Variants in HPD observed in about 807,000 individuals in gnomAD.
The protein encoded by HPD is 4-hydroxyphenylpyruvic acid oxidase.
A neutral mutation model predicts 56.9 loss-of-function variants in HPD; 35 were observed. That is an observed-to-expected ratio of 0.62 (90% CI 0.47 to 0.82). The LOEUF is 0.82. Ranked by LOEUF, HPD falls within the 40% of genes least tolerant of loss-of-function variation. The pLI, the probability that HPD is intolerant of heterozygous loss-of-function variation, is 0.00. For synonymous variants in HPD, 186 were observed against 200.2 expected (o/e 0.93, Z 0.60); for missense variants, 442 against 506.8 (o/e 0.87, Z 1.23).
intron 7 of HPD, among the ~76,000 whole-genome samples, chr12:121,852,647 T>C (rs1352923217): frequency 2.6e-5 from 2 of 77,350 alleles, no homozygotes; most frequent in Admixed American, 2.9e-4. Context: ...TTTTTTTTTT[T>C]TTTTTGAGAG....
chr12:121,870,054 A>G, the HPD span, among the ~76,000 whole-genome samples: 1 of 149,914 alleles, frequency 6.7e-6, no homozygotes, highest in Non-Finnish European at 1.5e-5. Context: ...CTGGGATTAC[A>G]GGCATGAACC....
chr12:121,857,385 G>T lies in HPD; in HGVS notation c.141C>A (p.Tyr47Ter). Residue 47 changes from tyrosine to a stop codon, truncating the protein, a stop_gained, in exon 4 of 14, where the codon TAC becomes TAA. Coordinates refer to ENST00000289004, the MANE Select transcript of HPD (RefSeq NM_002150.3). LOFTEE classifies it high-confidence loss of function. The part of the protein sequence containing the change: ...CSKMGFEPLA[Y>*]RGLETGSREV... ...CCCGGGAACCGGTCTCCAGGCCCCT[G>T]TAGGCTAGAGGTTCAAAGCCCATCT... is the stretch of plus-strand genomic sequence containing the variant. The T allele has an allele frequency of 1.2e-6, 2 of 1,614,122 alleles. No individual in the cohort carries two copies.
rs999492011 is a variant in HPD, at chr12:121,858,573, C to T, written c.30+114G>A. The T allele has an allele frequency of 4.7e-6, 5 of 1,058,598 alleles. No individual in the cohort carries two copies. In the Admixed American group the frequency reaches 5.1e-5, roughly 11 times the overall value. The allele number at this position is 1,058,598 out of a possible 1,614,324, so 65.6% of individuals were successfully genotyped here. Reference sequence around the variant, plus strand: ...AAGCTGAGTGTGCAGGCATGCACGTCATGTATCCACTCCAGTCCTTCCTCT... The same window carrying T: ...AAGCTGAGTGTGCAGGCATGCACGTTATGTATCCACTCCAGTCCTTCCTCT... On this transcript the variant is annotated intron_variant, in intron 2 of 13. Coordinates refer to ENST00000289004, the MANE Select transcript of HPD (RefSeq NM_002150.3).
chr12:121,856,426 G>T lies in HPD; in HGVS notation c.242-20C>A. 4.3e-6 allele frequency: 7 copies of T among 1,611,810 alleles called. No individual in the cohort carries two copies. Among genetic ancestry groups the T allele is most frequent in the East Asian group, 2.2e-5 (1 of 44,866 alleles). ...CCATCTCTGTGGCCGGCAGGGAGAG[G>T]ATGGCACTGGAGTCTGGAGTCTAGG... On this transcript the variant is annotated intron_variant, in intron 5 of 13. Transcript: ENST00000289004.
chr12:121,843,454 C>A (rs1241468026), intron 12 of HPD, among the ~76,000 whole-genome samples: 5 of 152,230 alleles, frequency 3.3e-5, no homozygotes, highest in African/African-American at 1.2e-4. Flanking sequence ...CTCAGAGAGG[C>A]CCTCCCTGAC....
chr12:121,856,657 T>C (rs1210873870), intron 4 of HPD, 32 bp from the exon 5 acceptor site: 4 of 1,609,548 alleles, frequency 2.5e-6, no homozygotes, highest in African/African-American at 1.3e-5. Flanking sequence ...GTGAGGCTAG[T>C]GGCTCAGGGG....
chr12:121,866,402 C>T (rs1878330725), upstream of HPD, among the ~76,000 whole-genome samples: 1 of 148,904 alleles, frequency 6.7e-6, no homozygotes, highest in Non-Finnish European at 1.5e-5. Flanking sequence ...AGGCACGGAG[C>T]AGTGTATATA....
intron 7 of HPD, among the ~76,000 whole-genome samples, chr12:121,850,533 G>T (rs1379870364): frequency 2.1e-5 from 3 of 141,886 alleles, no homozygotes; most frequent in African/African-American, 7.7e-5. Context: ...GAGTGCATTG[G>T]CACGATCTCG....
chr12:121,867,608 G>A (rs1878359792), upstream of HPD, among the ~76,000 whole-genome samples: 2 of 151,778 alleles, frequency 1.3e-5, no homozygotes, highest in Non-Finnish European at 2.9e-5. Flanking sequence ...CCACCTCCCA[G>A]GTTCAAGTGA....
chr12:121,884,409 C>T, the HPD span, among the ~76,000 whole-genome samples: 1 of 152,008 alleles, frequency 6.6e-6, no homozygotes, highest in African/African-American at 2.4e-5. Flanking sequence ...GTGATCCACC[C>T]ACTTCGGCCA....
intron 7 of HPD, among the ~76,000 whole-genome samples, chr12:121,853,601 G>A (rs867221659): frequency 3.9e-4 from 55 of 139,652 alleles, no homozygotes; most frequent in South Asian, 2.2e-3. Flanking sequence ...CAGCCTGGGC[G>A]ACAGAGCGAG....
In HPD at chr12:121,839,686, G is replaced by A. The variant is rs1877338384; in HGVS notation, c.*42C>T. 7.3e-7 allele frequency: 1 copy of A among 1,373,348 alleles called. No individual in the cohort carries two copies. Among genetic ancestry groups the A allele is most frequent in the Admixed American group, 1.7e-5 (1 of 59,654 alleles). The allele number at this position is 1,373,348 out of a possible 1,614,324, so 85.1% of individuals were successfully genotyped here. A position where few individuals can be genotyped will look rare whatever the true frequency, so the allele number is the denominator to read the frequency against. On this transcript the variant is annotated 3_prime_UTR_variant, in exon 14 of 14. Coordinates refer to ENST00000289004, the MANE Select transcript of HPD (RefSeq NM_002150.3). ...AGTTGGGCGAGTTCCAGAATCAGGG[G>A]GCGTGGCTGTGTGGCTGTGGCCTCC... is the stretch of plus-strand genomic sequence containing the variant.
At chr12:121,850,225 T>C (rs1043421822) in intron 7 of HPD, among the ~76,000 whole-genome samples, 4 of 151,876 alleles carry the variant, frequency 2.6e-5, no homozygotes, top group Admixed American at 1.3e-4. Flanking sequence ...ATCGAGACCA[T>C]CCTGGCGAAC....
At chr12:121,869,206 C>T in the HPD span, among the ~76,000 whole-genome samples, 37 of 152,048 alleles carry the variant, frequency 2.4e-4, no homozygotes, top group African/African-American at 8.0e-4. Context: ...AAAAATTAAC[C>T]GGACATGGTG....
chr12:121,850,692 CT>C (rs1206546215), intron 7 of HPD, among the ~76,000 whole-genome samples: 22,772 of 91,564 alleles, frequency 0.25, 1,908 homozygotes, highest in East Asian at 0.44. Context: ...TGTACCTAGC[CT>C]TTTTTTTTTT....
the HPD span, among the ~76,000 whole-genome samples, chr12:121,875,729 A>G: frequency 1.3e-5 from 2 of 152,110 alleles, no homozygotes; most frequent in Non-Finnish European, 2.9e-5. Flanking sequence ...CCTGGCCGGT[A>G]TGGTCAATTT....
At chr12:121,858,541 G>T in intron 2 of HPD, 146 bp downstream of exon 2, 4 of 841,582 alleles carry the variant, frequency 4.8e-6, no homozygotes, top group South Asian at 2.7e-5. Flanking sequence ...GGGGAGCCCC[G>T]GGGGTAAAGC....
chr12:121,864,780 G>T (rs1459404636), upstream of HPD, among the ~76,000 whole-genome samples: 1 of 151,892 alleles, frequency 6.6e-6, no homozygotes, highest in Non-Finnish European at 1.5e-5. Flanking sequence ...GTGAACCCGG[G>T]GCGCGGAGCT....
At chr12:121,859,027 C>T, upstream of HPD, 1 of 628,980 alleles carries the variant, frequency 1.6e-6, no homozygotes, top group Non-Finnish European at 2.8e-6. Flanking sequence ...GTTGCCAGGC[C>T]CAGAGAGGGG....
Sources: gnomAD v4.1 joint callset for allele counts (sites outside exome capture counted in the v4.1 genomes callset) on GRCh38, gnomAD v4.1.1 for gene constraint, MANE v1.5 for transcripts, NCBI Gene and HGNC (gene_info 2026-07-23, HGNC 2026-07-21) for gene names.